Variants in KDM2B observed in about 807,000 individuals in gnomAD.
KDM2B encodes the protein lysine-specific demethylase 2B.
In KDM2B, 26 loss-of-function variants were observed where a neutral mutation model predicts 150.0. The observed-to-expected ratio is 0.17, with a 90% CI of 0.13 to 0.24. The LOEUF (loss-of-function observed/expected upper bound fraction) is 0.24, where lower values mean the gene tolerates loss of function less well. KDM2B is among the 10% of genes least tolerant of loss of function. The probability of loss-of-function intolerance (pLI) is 1.00; values close to 1 mark genes in which losing one functional copy is unlikely to be tolerated. For missense variants in KDM2B, 1,265 were observed against 1,816.9 expected (o/e 0.70, Z 5.52); for synonymous variants, 734 against 729.5 (o/e 1.01, Z -0.10).
At chr12:121,425,734 C>T (rs1339361974), downstream of KDM2B, among the ~76,000 whole-genome samples, 1 of 151,572 alleles carries the variant, frequency 6.6e-6, no homozygotes, top group Non-Finnish European at 1.5e-5. Flanking sequence ...CATAAGTTGC[C>T]AGAGTTTTGT....
intron 12 of KDM2B, among the ~76,000 whole-genome samples, chr12:121,466,590 C>T (rs1182717915): frequency 1.3e-5 from 2 of 151,578 alleles, no homozygotes; most frequent in Admixed American, 1.3e-4. Flanking sequence ...GCTCGCACCC[C>T]TTCCTGTCTC....
intron 4 of KDM2B, among the ~76,000 whole-genome samples, chr12:121,567,583 C>G (rs1555315194): frequency 6.6e-6 from 1 of 152,020 alleles, no homozygotes. Flanking sequence ...AAAGGGAAAA[C>G]CACATGAGGG....
intron 12 of KDM2B, among the ~76,000 whole-genome samples, chr12:121,461,357 T>C (rs1186416807): frequency 6.6e-6 from 1 of 152,098 alleles, no homozygotes; most frequent in Non-Finnish European, 1.5e-5. Flanking sequence ...ACTGGACCCA[T>C]CACAGTAAGT....
At chr12:121,489,966 G>A (rs1392694366) in intron 12 of KDM2B, among the ~76,000 whole-genome samples, 5 of 152,296 alleles carry the variant, frequency 3.3e-5, no homozygotes, top group East Asian at 1.9e-4. Flanking sequence ...AGCCTCCTCC[G>A]CCTCAACTGC....
chr12:121,436,688 T>A (rs1386150610), intron 22 of KDM2B, among the ~76,000 whole-genome samples: 2 of 151,884 alleles, frequency 1.3e-5, no homozygotes, highest in African/African-American at 4.8e-5. Context: ...TTTCTACAAG[T>A]GAAGAACACA....
At chr12:121,459,558 T>C (rs1430657686) in intron 12 of KDM2B, among the ~76,000 whole-genome samples, 1 of 152,184 alleles carries the variant, frequency 6.6e-6, no homozygotes, top group East Asian at 1.9e-4. Flanking sequence ...TTGCTGGGCA[T>C]GGTGGCTCAC....
chr12:121,501,750 A>ACCAC, intron 11 of KDM2B, among the ~76,000 whole-genome samples: 2 of 152,108 alleles, frequency 1.3e-5, no homozygotes, highest in African/African-American at 4.8e-5. Context: ...CCTCCAGAGT[A>ACCAC]GCTGTGATTA....
At position 121,579,061 on chromosome 12, in the gene KDM2B, A is replaced by G. The variant is rs1555317423; in HGVS notation, c.127-115T>C. The G allele has an allele frequency of 2.6e-6, 3 of 1,150,250 alleles. No homozygotes were observed. The Admixed American group carries it at 6.8e-5, about 26-fold the overall frequency. 71.3% of individuals were successfully genotyped at this position (1,150,250 alleles called of 1,614,324 possible). A position where few individuals can be genotyped will look rare whatever the true frequency, so the allele number is the denominator to read the frequency against. On this transcript the variant is annotated intron_variant, in intron 1 of 22. Transcript: ENST00000377071. The stretch of plus-strand genomic sequence containing the variant: ...AGCCGAGCGCCCCCTGCACCCCACC[A>G]TTGCAACCCAAGCAACTTTGCGCAA...
intron 12 of KDM2B, among the ~76,000 whole-genome samples, chr12:121,454,257 G>A (rs1162152826): frequency 6.6e-6 from 1 of 152,206 alleles, no homozygotes; most frequent in African/African-American, 2.4e-5. Flanking sequence ...GAGCCAGCCT[G>A]GCATGCAGAA....
rs1386593814 is a variant in KDM2B, at chr12:121,496,607, ACCTCAGCCT to A, written c.1648-1951_1648-1943del. On this transcript the variant is annotated intron_variant, in intron 11 of 22. Transcript: ENST00000377071. ...ACTCCTGGGCTCAAGTGATCCTCCC[ACCTCAGCCT>A]CCTCAGTAGCCGGGACTACAAGTGC... Among the ~76,000 whole-genome samples the A allele has an allele frequency of 4.1e-5, 6 of 144,896 alleles. No homozygotes were observed. The South Asian group carries it at 1.3e-3, about 31-fold the overall frequency.
Position 121,442,952 on chromosome 12 carries a change from C to G in KDM2B, c.2604+40G>C. On this transcript the variant is annotated intron_variant, in intron 18 of 22. Transcript: ENST00000377071. The surrounding 1 kb of genome is among the most constrained non-coding windows in gnomAD (Gnocchi z 7.7). ...CAGGGAGCTGCGGTGCAGCTCTAAC[C>G]GCTCAGGCCTGGGGCACAGGAGGGA... 2 of 1,610,338 alleles carry G rather than the reference C, an allele frequency of 1.2e-6. No individual in the cohort carries two copies. Among genetic ancestry groups the G allele is most frequent in the Non-Finnish European group, 1.7e-6 (2 of 1,177,980 alleles).
At chr12:121,529,395 G>A (rs1165753788) in intron 8 of KDM2B, among the ~76,000 whole-genome samples, 3 of 152,122 alleles carry the variant, frequency 2.0e-5, no homozygotes, top group African/African-American at 7.2e-5. Flanking sequence ...AGGAGGAGAG[G>A]TGCCTAAGGT....
At chr12:121,510,241 C>T (rs1885462397) in intron 10 of KDM2B, among the ~76,000 whole-genome samples, 1 of 152,198 alleles carries the variant, frequency 6.6e-6, no homozygotes, top group Non-Finnish European at 1.5e-5. Context: ...CGGCTGTGTG[C>T]ACCCACATGG....
intron 12 of KDM2B, among the ~76,000 whole-genome samples, chr12:121,466,549 C>A (rs1285336436): frequency 2.0e-5 from 3 of 151,834 alleles, no homozygotes; most frequent in Non-Finnish European, 4.4e-5. Context: ...GCGGATTCGC[C>A]CGGGTTCCGG....
chr12:121,439,740 G>A (rs1229888939), intron 22 of KDM2B, 117 bp downstream of exon 22: 25 of 755,802 alleles, frequency 3.3e-5, no homozygotes, highest in African/African-American at 6.9e-5. Context: ...CTCAGTAAAC[G>A]AGACACCTAG....
At position 121,442,261 on chromosome 12, in the gene KDM2B, C is replaced by A; in HGVS notation, c.3180G>T (p.Gly1060=). The A allele has an allele frequency of 6.2e-7, 1 of 1,613,022 alleles. No individual in the cohort carries two copies. The highest frequency in any genetic ancestry group is 1.3e-5 in the African/African-American group (1 of 75,024). ...CCTCCCTGTGCATGACGTGGGCTGC[C>A]CCATCGTCCAGGGGTAGCGAGTCAG... ...PPPDSLPLDD[G]AAHVMHREVW... Residue 1060 remains glycine, a synonymous_variant, in exon 19 of 23, where the codon GGG becomes GGT. Coordinates refer to ENST00000377071, the MANE Select transcript of KDM2B (RefSeq NM_032590.5). This position sits in a 1 kb window ranked among gnomAD's most constrained non-coding sequence, Gnocchi z 7.7.
chr12:121,540,829 C>G (rs1393080502), intron 6 of KDM2B, among the ~76,000 whole-genome samples: 2 of 151,760 alleles, frequency 1.3e-5, no homozygotes, highest in Admixed American at 1.3e-4. Flanking sequence ...ATCTTGCCCA[C>G]CTGTGAACAC....
chr12:121,527,135 C>A (rs1222956774), intron 8 of KDM2B, among the ~76,000 whole-genome samples: 6 of 151,420 alleles, frequency 4.0e-5, no homozygotes, highest in African/African-American at 1.5e-4. Context: ...GCAAGCTCTG[C>A]CTCCCGGGTT....
intron 11 of KDM2B, among the ~76,000 whole-genome samples, chr12:121,496,778 C>T (rs1883995420): frequency 6.6e-6 from 1 of 151,958 alleles, no homozygotes; most frequent in African/African-American, 2.4e-5. Flanking sequence ...GGATGTGAGC[C>T]CCCCAAAGTG....
Sources: allele counts gnomAD v4.1 joint callset (sites outside exome capture counted in the v4.1 genomes callset), GRCh38; gene constraint gnomAD v4.1.1; non-coding constraint Gnocchi (gnomAD v3.1); transcripts MANE v1.5; gene names NCBI Gene and HGNC (gene_info 2026-07-23, HGNC 2026-07-21).